Variants in GLIPR1L2 observed in about 807,000 individuals in gnomAD.
GLIPR1L2 encodes the protein GLIPR1 like 2, also known as GLIPR1-like protein 2.
A neutral mutation model predicts 28.4 loss-of-function variants in GLIPR1L2; 21 were observed. The observed-to-expected ratio is 0.74, with a 90% CI of 0.52 to 1.06. The LOEUF is 1.06. Ranked by LOEUF, GLIPR1L2 falls within the 50% of genes least tolerant of loss-of-function variation. GLIPR1L2 has a pLI of 0.00. For missense variants in GLIPR1L2, 476 were observed against 416.9 expected (o/e 1.14, Z -1.23); for synonymous variants, 145 against 139.3 (o/e 1.04, Z -0.29).
At chr12:75,401,227 CT>C (rs1188492920) in intron 1 of GLIPR1L2, among the ~76,000 whole-genome samples, 1 of 151,000 alleles carries the variant, frequency 6.6e-6, no homozygotes, top group African/African-American at 2.4e-5. Context: ...AATTTAATTT[CT>C]TTATCAATAA....
At chr12:75,399,195 A>G (rs765297888) in intron 1 of GLIPR1L2, among the ~76,000 whole-genome samples, 7 of 152,180 alleles carry the variant, frequency 4.6e-5, no homozygotes, top group Non-Finnish European at 1.0e-4. Context: ...AAGCCTCACT[A>G]AGTAAAATAA....
rs1175961602 is a variant in GLIPR1L2, at chr12:75,397,283, C to T, written c.234+5933C>T. Among the ~76,000 whole-genome samples the T allele has an allele frequency of 2.0e-5, 3 of 151,524 alleles. No individual in the cohort carries two copies. In the South Asian group the frequency reaches 6.3e-4, roughly 32 times the overall value. On this transcript the variant is annotated intron_variant, in intron 1 of 5. Transcript: ENST00000550916. The stretch of plus-strand genomic sequence containing the variant: ...CTTTTTTTTTAATTTGCTCATATTC[C>T]CCCAGTGTCCTGTTTTCTCTTATGA...
At position 75,414,057 on chromosome 12, in the gene GLIPR1L2, A is replaced by G. The variant is rs1338354570; in HGVS notation, c.584+356A>G. 4.6e-5 allele frequency among the ~76,000 whole-genome samples: 7 copies of G among 152,170 alleles called. No individual in the cohort carries two copies. The East Asian group carries it at 1.3e-3, about 29-fold the overall frequency. On this transcript the variant is annotated intron_variant, in intron 3 of 5. Coordinates refer to ENST00000550916, the MANE Select transcript of GLIPR1L2 (RefSeq NM_001270396.2). ...AAATTTATTTAGTAAGAATTGTTTC[A>G]TGAATATGTCAGTTTTGTAACATGA... is the stretch of plus-strand genomic sequence containing the variant.
rs993667879 is a variant in GLIPR1L2 at position 75,409,836 on chromosome 12, C to T, written c.235-598C>T. Among the ~76,000 whole-genome samples, 20 of 141,104 alleles carry T rather than the reference C, an allele frequency of 1.4e-4. No individual in the cohort carries two copies. In the East Asian group the frequency reaches 1.4e-3, roughly 10 times the overall value. 92.6% of individuals were successfully genotyped at this position (141,104 alleles called of 152,430 possible). A position where few individuals can be genotyped will look rare whatever the true frequency, so the allele number is the denominator to read the frequency against. On this transcript the variant is annotated intron_variant, in intron 1 of 5. Transcript: ENST00000550916. Reference sequence around the variant, plus strand: ...ATATATATAAGATGTATATCTAATCCGATATATATATAAGATGTATATCTA... The same window carrying T: ...ATATATATAAGATGTATATCTAATCTGATATATATATAAGATGTATATCTA...
At chr12:75,406,026 G>A (rs73191051) in intron 1 of GLIPR1L2, among the ~76,000 whole-genome samples, 5,269 of 147,658 alleles carry the variant, frequency 0.036, 138 homozygotes, top group Middle Eastern at 0.067. Flanking sequence ...TAAAGTAATC[G>A]ACTTAGAATA....
At chr12:75,412,996 C>T (rs1473549427) in intron 2 of GLIPR1L2, among the ~76,000 whole-genome samples, 1 of 151,790 alleles carries the variant, frequency 6.6e-6, no homozygotes, top group Admixed American at 6.6e-5. Context: ...ACATATACAC[C>T]ATGGAATACT....
At chr12:75,398,931 A>G (rs879414349) in intron 1 of GLIPR1L2, among the ~76,000 whole-genome samples, 6 of 152,180 alleles carry the variant, frequency 3.9e-5, no homozygotes, top group Admixed American at 1.3e-4. Flanking sequence ...TTATATTTCT[A>G]TAAGTGGCAT....
chr12:75,417,409 G>A (rs1488192385), intron 3 of GLIPR1L2, among the ~76,000 whole-genome samples: 1 of 152,060 alleles, frequency 6.6e-6, no homozygotes, highest in Non-Finnish European at 1.5e-5. Context: ...TTGGACTTTG[G>A]GCCTCCAGAA....
chr12:75,399,855 C>G (rs1043456369), intron 1 of GLIPR1L2, among the ~76,000 whole-genome samples: 12 of 152,202 alleles, frequency 7.9e-5, no homozygotes, highest in Admixed American at 3.9e-4. Context: ...AGAGAAGAAT[C>G]TGGCAATACC....
At chr12:75,422,591 C>A (rs1002133697) in intron 3 of GLIPR1L2, among the ~76,000 whole-genome samples, 1 of 152,138 alleles carries the variant, frequency 6.6e-6, no homozygotes, top group Non-Finnish European at 1.5e-5. Context: ...CATGAGCCAC[C>A]GCGCCCGGTC....
chr12:75,412,280 T>G (rs781057937), intron 2 of GLIPR1L2, among the ~76,000 whole-genome samples: 1 of 151,980 alleles, frequency 6.6e-6, no homozygotes, highest in Non-Finnish European at 1.5e-5. Flanking sequence ...GTCCTTTGGC[T>G]CTGAAGCATT....
At chr12:75,406,767 AAAAAAAAG>A (rs1431119975) in intron 1 of GLIPR1L2, among the ~76,000 whole-genome samples, 1 of 141,060 alleles carries the variant, frequency 7.1e-6, no homozygotes, top group African/African-American at 2.7e-5. Flanking sequence ...CAAAAAAAAA[AAAAAAAAG>A]AGAGAGAGAG....
chr12:75,419,206 G>A (rs1594024259), intron 3 of GLIPR1L2, among the ~76,000 whole-genome samples: 1 of 152,104 alleles, frequency 6.6e-6, no homozygotes, highest in African/African-American at 2.4e-5. Context: ...AATGGATAGG[G>A]AGAAAATAGG....
intron 2 of GLIPR1L2, among the ~76,000 whole-genome samples, chr12:75,413,077 C>T (rs1450797796): frequency 6.6e-6 from 1 of 151,624 alleles, no homozygotes. Context: ...CCATGATTCT[C>T]AGCAAACTAT....
intron 2 of GLIPR1L2, among the ~76,000 whole-genome samples, chr12:75,412,393 C>T (rs2045876998): frequency 6.6e-6 from 1 of 152,084 alleles, no homozygotes; most frequent in South Asian, 2.1e-4. Flanking sequence ...AAACTACCAT[C>T]AGAGTGAACA....
chr12:75,416,864 T>C (rs2045928435), intron 3 of GLIPR1L2, among the ~76,000 whole-genome samples: 1 of 152,140 alleles, frequency 6.6e-6, no homozygotes, highest in African/African-American at 2.4e-5. Context: ...GGAACAGTTA[T>C]CAGTCAACTC....
At chr12:75,394,972 T>C (rs1317648360) in intron 1 of GLIPR1L2, among the ~76,000 whole-genome samples, 1 of 151,934 alleles carries the variant, frequency 6.6e-6, no homozygotes, top group African/African-American at 2.4e-5. Context: ...GCTAAGTTTA[T>C]TCCTAAATAT....
At chr12:75,391,620 G>T (rs911343404) in intron 1 of GLIPR1L2, 117 of 1,018,564 alleles carry the variant, frequency 1.1e-4, no homozygotes, top group Non-Finnish European at 1.5e-4. Context: ...GCCAATTCAA[G>T]AAAATGATAT....
chr12:75,392,812 G>A (rs1325884347), intron 1 of GLIPR1L2, among the ~76,000 whole-genome samples: 10 of 151,792 alleles, frequency 6.6e-5, no homozygotes, highest in Admixed American at 5.9e-4. Flanking sequence ...TTTAAATATA[G>A]ACATTTTTAA....
Sources: allele counts gnomAD v4.1 joint callset (sites outside exome capture counted in the v4.1 genomes callset), GRCh38; gene constraint gnomAD v4.1.1; transcripts MANE v1.5; gene names NCBI Gene and HGNC (gene_info 2026-07-23, HGNC 2026-07-21).